Variants in LRMDA observed in about 807,000 individuals in gnomAD.
LRMDA encodes leucine rich melanocyte differentiation associated.
In LRMDA, 18 loss-of-function variants were observed where a neutral mutation model predicts 29.8. The ratio of observed to expected loss-of-function variants is 0.60; its 90% confidence interval spans 0.42 to 0.90. The LOEUF is 0.90. Ranked by LOEUF, LRMDA falls within the 40% of genes least tolerant of loss-of-function variation. The probability of loss-of-function intolerance (pLI) is 0.00; values close to 1 mark genes in which losing one functional copy is unlikely to be tolerated. For missense variants in LRMDA, 273 were observed against 273.9 expected (o/e 1.00, Z 0.02); for synonymous variants, 125 against 109.4 (o/e 1.14, Z -0.89).
intron 5 of LRMDA, among the ~76,000 whole-genome samples, chr10:76,237,187 A>C (rs1222429861): frequency 2.6e-5 from 4 of 152,210 alleles, no homozygotes; most frequent in Admixed American, 6.5e-5. Context: ...CTGTCTCTTA[A>C]AAAATAGCAA....
intron 6 of LRMDA, among the ~76,000 whole-genome samples, chr10:76,486,932 A>G (rs540975588): frequency 1.3e-5 from 2 of 152,060 alleles, no homozygotes; most frequent in East Asian, 1.9e-4. Flanking sequence ...GCTCCCAGAT[A>G]CAGTTTTAAC....
At chr10:76,167,120 T>C (rs1428016714) in intron 5 of LRMDA, among the ~76,000 whole-genome samples, 1 of 152,216 alleles carries the variant, frequency 6.6e-6, no homozygotes. Context: ...TTTTGAAAAG[T>C]GTCTGTGTTT....
At chr10:75,923,760 T>A (rs1183833418) in intron 2 of LRMDA, among the ~76,000 whole-genome samples, 1 of 152,162 alleles carries the variant, frequency 6.6e-6, no homozygotes, top group African/African-American at 2.4e-5. Flanking sequence ...TTAAGACTCC[T>A]CTGTGTGTGA....
rs191402697 is a variant in LRMDA, at chr10:76,274,342, A to C, written c.517-50059A>C. ...TTTACCATCAAATTAGATATGGATC[A>C]TCTGGCTATAATGGGCCTGGGGCAC... On this transcript the variant is annotated intron_variant, in intron 5 of 6. Transcript: ENST00000611255. Among the ~76,000 whole-genome samples the C allele has an allele frequency of 2.6e-3, 390 of 152,338 alleles. 3 individuals are homozygous for C. Among genetic ancestry groups the C allele is most frequent in the African/African-American group, 8.9e-3 (372 of 41,586 alleles).
At chr10:75,669,816 G>A (rs1334205733) in intron 2 of LRMDA, among the ~76,000 whole-genome samples, 3 of 152,114 alleles carry the variant, frequency 2.0e-5, no homozygotes, top group Admixed American at 2.0e-4. Context: ...ATATAAATAG[G>A]AGAAAAAGAA....
Position 75,504,222 on chromosome 10 carries a change from G to A in LRMDA, c.131+65728G>A, listed in dbSNP as rs139705331. ...TTGCCTAGGCTGGTCTCCAACTCCT[G>A]GGCGTAAGCAATCCACCTGCCTTGG... is the stretch of plus-strand genomic sequence containing the variant. On this transcript the variant is annotated intron_variant, in intron 2 of 6. Coordinates refer to ENST00000611255, the MANE Select transcript of LRMDA (RefSeq NM_001305581.2). 4.8e-4 allele frequency among the ~76,000 whole-genome samples: 73 copies of A among 152,236 alleles called. 1 individual carries two copies. The highest frequency in any genetic ancestry group is 1.7e-3 in the African/African-American group (71 of 41,542).
chr10:75,923,291 G>A (rs780612552), intron 2 of LRMDA, among the ~76,000 whole-genome samples: 10 of 152,220 alleles, frequency 6.6e-5, no homozygotes, highest in Non-Finnish European at 1.5e-4. Flanking sequence ...TTCTTTGTGT[G>A]TGAAACAAAA....
At chr10:75,857,049 T>C (rs1348273120) in intron 2 of LRMDA, among the ~76,000 whole-genome samples, 1 of 152,086 alleles carries the variant, frequency 6.6e-6, no homozygotes, top group Non-Finnish European at 1.5e-5. Flanking sequence ...CAGACAAAAA[T>C]GAGCGATTTA....
chr10:75,830,173 C>A (rs947643595), intron 2 of LRMDA, among the ~76,000 whole-genome samples: 1 of 152,144 alleles, frequency 6.6e-6, no homozygotes, highest in Non-Finnish European at 1.5e-5. Context: ...CCTTGAGGGG[C>A]TGTTGTGAGC....
At chr10:76,125,833 C>G (rs771421939) in intron 5 of LRMDA, among the ~76,000 whole-genome samples, 1 of 152,192 alleles carries the variant, frequency 6.6e-6, no homozygotes, top group African/African-American at 2.4e-5. Context: ...AGAGCATAAA[C>G]CCAGAATGTT....
At chr10:75,572,365 A>G (rs559382709) in intron 2 of LRMDA, among the ~76,000 whole-genome samples, 4 of 150,272 alleles carry the variant, frequency 2.7e-5, no homozygotes, top group Admixed American at 2.7e-4. Context: ...CAGTGCAGTT[A>G]TCGCCATTTA....
chr10:75,813,969 C>T (rs1204955727), intron 2 of LRMDA, among the ~76,000 whole-genome samples: 1 of 152,234 alleles, frequency 6.6e-6, no homozygotes, highest in Non-Finnish European at 1.5e-5. Context: ...CCCATTCCAG[C>T]CAATAAATCC....
At chr10:76,223,278 T>A (rs1358034586) in intron 5 of LRMDA, among the ~76,000 whole-genome samples, 1 of 151,818 alleles carries the variant, frequency 6.6e-6, no homozygotes, top group Non-Finnish European at 1.5e-5. Flanking sequence ...ATAATAATAA[T>A]AAAAAAGAGT....
chr10:76,290,816 A>T (rs1412197984), intron 5 of LRMDA, among the ~76,000 whole-genome samples: 1 of 152,132 alleles, frequency 6.6e-6, no homozygotes, highest in African/African-American at 2.4e-5. Context: ...CAAGGTGGAG[A>T]CATACCTTGC....
Position 75,640,941 on chromosome 10 carries a change from C to T in LRMDA, c.131+202447C>T, listed in dbSNP as rs112001024. On this transcript the variant is annotated intron_variant, in intron 2 of 6. Transcript: ENST00000611255. ...TGCAAGATTCTTCTGCCAGCTTCCG[C>T]ATTACTTGGGCTTTACTGCACTCCA... Among the ~76,000 whole-genome samples the T allele has an allele frequency of 1.1e-3, 170 of 152,320 alleles. 6 individuals are homozygous for T. The South Asian group carries it at 0.03, about 27-fold the overall frequency.
At chr10:75,812,590 A>G (rs1843984453) in intron 2 of LRMDA, among the ~76,000 whole-genome samples, 2 of 152,192 alleles carry the variant, frequency 1.3e-5, no homozygotes, top group Non-Finnish European at 2.9e-5. Context: ...ATGATCTGTG[A>G]TACAATTCTT....
At chr10:76,351,942 G>T (rs1841181931) in intron 6 of LRMDA, among the ~76,000 whole-genome samples, 1 of 152,086 alleles carries the variant, frequency 6.6e-6, no homozygotes, top group South Asian at 2.1e-4. Context: ...GGATAGTATA[G>T]TGTCAAGAGC....
chr10:75,433,235 C>T (rs897835872), intron 1 of LRMDA, among the ~76,000 whole-genome samples: 1 of 152,122 alleles, frequency 6.6e-6, no homozygotes, highest in African/African-American at 2.4e-5. Flanking sequence ...GGTGTTCTCC[C>T]GGTGTACCTT....
intron 6 of LRMDA, among the ~76,000 whole-genome samples, chr10:76,454,341 G>A (rs9919400): frequency 0.36 from 54,280 of 151,936 alleles, 10,789 homozygotes; most frequent in Middle Eastern, 0.54. Context: ...TACTTCCATA[G>A]TGAAAGTAGC....
Sources: gnomAD v4.1 joint callset for allele counts (sites outside exome capture counted in the v4.1 genomes callset) on GRCh38, gnomAD v4.1.1 for gene constraint, MANE v1.5 for transcripts, NCBI Gene and HGNC (gene_info 2026-07-23, HGNC 2026-07-21) for gene names.